CTNNBL1: variants seen among roughly 807,000 people sequenced by gnomAD.
CTNNBL1 encodes catenin beta like 1.
Under a neutral mutation model 72.7 loss-of-function variants are expected in CTNNBL1, and 31 were observed. The observed-to-expected ratio is 0.43, with a 90% CI of 0.32 to 0.58. The LOEUF (loss-of-function observed/expected upper bound fraction) is 0.58. Ranked by LOEUF, CTNNBL1 falls within the 20% of genes least tolerant of loss-of-function variation. CTNNBL1 has a pLI of 0.08. For synonymous variants in CTNNBL1, 240 were observed against 267.3 expected (o/e 0.90, Z 1.00); for missense variants, 534 against 725.1 (o/e 0.74, Z 3.03).
Position 37,859,917 on chromosome 20 carries a change from G to A in CTNNBL1, c.1411G>A (p.Glu471Lys). 3 of 1,614,160 alleles carry A rather than the reference G, an allele frequency of 1.9e-6. No individual in the cohort carries two copies. The highest frequency in any genetic ancestry group is 2.5e-6 in the Non-Finnish European group (3 of 1,180,040). ...GEKHDMVRRGEIIDNDTEEEF... is the reference protein window; with the variant it reads ...GEKHDMVRRGKIIDNDTEEEF... The stretch of plus-strand genomic sequence containing the variant: ...TTTCTAGGACATGGTCCGGCGAGGA[G>A]AGATCATCGACAATGACACCGAGGA... The change falls in exon 14 of 16, where the codon GAG becomes AAG. Residue 471 changes from glutamate (E) to lysine (K), a missense_variant. Physicochemically the swap from Glu to Lys is moderately conservative, Grantham distance 56. Transcript: ENST00000361383.
intron 11 of CTNNBL1, among the ~76,000 whole-genome samples, chr20:37,820,982 C>G (rs913418287): frequency 5.9e-5 from 9 of 152,192 alleles, no homozygotes; most frequent in African/African-American, 1.9e-4. Context: ...AGACCTGCCC[C>G]TTTGGCCTTC....
intron 11 of CTNNBL1, among the ~76,000 whole-genome samples, chr20:37,827,826 GC>G (rs913527943): frequency 6.6e-6 from 1 of 152,138 alleles, no homozygotes; most frequent in African/African-American, 2.4e-5. Flanking sequence ...ATCATGCAGG[GC>G]CTGTGGGAGA....
intron 1 of CTNNBL1, among the ~76,000 whole-genome samples, chr20:37,718,846 G>A (rs971774498): frequency 5.9e-5 from 9 of 152,244 alleles, no homozygotes; most frequent in African/African-American, 2.2e-4. Context: ...CTGATGCAAA[G>A]TATGCCTTGA....
At chr20:37,854,858 G>A (rs6021387) in intron 13 of CTNNBL1, among the ~76,000 whole-genome samples, 1 of 151,932 alleles carries the variant, frequency 6.6e-6, no homozygotes, top group Non-Finnish European at 1.5e-5. Context: ...CAAAGTGCTA[G>A]GATTACACGT....
At chr20:37,809,672 C>G (rs1177447432) in intron 11 of CTNNBL1, among the ~76,000 whole-genome samples, 1 of 152,166 alleles carries the variant, frequency 6.6e-6, no homozygotes, top group Non-Finnish European at 1.5e-5. Context: ...GTCAAGAGTT[C>G]TTGATCAGAA....
intron 10 of CTNNBL1, 59 bp downstream of exon 10, chr20:37,779,394 T>G (rs1051933284): frequency 8.9e-6 from 14 of 1,570,568 alleles, no homozygotes; most frequent in Non-Finnish European, 1.2e-5. Flanking sequence ...ACTGTTAGCC[T>G]GAATTCAAGA....
intron 1 of CTNNBL1, among the ~76,000 whole-genome samples, chr20:37,710,604 G>A (rs1304292449): frequency 1.3e-5 from 2 of 152,082 alleles, no homozygotes; most frequent in East Asian, 3.8e-4. Context: ...GAACATCTGA[G>A]CAATTACTGT....
At chr20:37,694,618 T>A (rs1438963756) in intron 1 of CTNNBL1, among the ~76,000 whole-genome samples, 3 of 152,206 alleles carry the variant, frequency 2.0e-5, no homozygotes, top group Non-Finnish European at 4.4e-5. Flanking sequence ...GTGGAGACAC[T>A]AATAACTGCC....
rs116863074 is a variant in CTNNBL1, at chr20:37,806,753, T to C, written c.1213+3705T>C. Among the ~76,000 whole-genome samples the C allele has an allele frequency of 2.9e-3, 443 of 152,310 alleles. 10 individuals carry two copies. The East Asian group carries it at 0.041, about 14-fold the overall frequency. On this transcript the variant is annotated intron_variant, in intron 11 of 15. Coordinates refer to ENST00000361383, the MANE Select transcript of CTNNBL1 (RefSeq NM_030877.5). ...TGAGCTTGTTGAAACTGTCTGGAAG[T>C]CTGCAGTTGCTTATCAGAAAATAAT...
chr20:37,833,373 GTAGT>G (rs2072227687), intron 11 of CTNNBL1, among the ~76,000 whole-genome samples: 1 of 152,222 alleles, frequency 6.6e-6, no homozygotes, highest in South Asian at 2.1e-4. Flanking sequence ...GGCGGTTTCA[GTAGT>G]TAGTGTCTGT....
At chr20:37,861,311 G>T (rs116569588) in intron 15 of CTNNBL1, among the ~76,000 whole-genome samples, 1 of 152,176 alleles carries the variant, frequency 6.6e-6, no homozygotes, top group African/African-American at 2.4e-5. Flanking sequence ...GCCTCCAGTC[G>T]GTGAGCAAGC....
intron 11 of CTNNBL1, among the ~76,000 whole-genome samples, chr20:37,820,066 AG>A (rs539124487): frequency 1.1e-3 from 166 of 151,738 alleles, no homozygotes; most frequent in Non-Finnish European, 1.5e-3. Flanking sequence ...TAGTAGAGTC[AG>A]GGTTTCAGCA....
chr20:37,745,651 G>C (rs182058824), intron 3 of CTNNBL1, among the ~76,000 whole-genome samples: 1 of 152,306 alleles, frequency 6.6e-6, no homozygotes, highest in African/African-American at 2.4e-5. Context: ...TCTGACTCCA[G>C]AGTCAGTTTA....
At chr20:37,758,463 C>T (rs948117557) in intron 5 of CTNNBL1, among the ~76,000 whole-genome samples, 5 of 152,242 alleles carry the variant, frequency 3.3e-5, no homozygotes, top group African/African-American at 1.2e-4. Flanking sequence ...CCCGCTGGGT[C>T]GCTCAGCCCG....
intron 6 of CTNNBL1, among the ~76,000 whole-genome samples, chr20:37,765,494 C>G (rs1047775950): frequency 6.6e-6 from 1 of 152,178 alleles, no homozygotes; most frequent in Admixed American, 6.5e-5. Context: ...GTAATGAAAG[C>G]AGAAATCCAC....
chr20:37,830,446 C>T (rs1176977825), intron 11 of CTNNBL1, among the ~76,000 whole-genome samples: 1 of 152,138 alleles, frequency 6.6e-6, no homozygotes, highest in African/African-American at 2.4e-5. Flanking sequence ...TTCCCCTGCC[C>T]TGCCATTTTA....
intron 3 of CTNNBL1, among the ~76,000 whole-genome samples, chr20:37,738,992 G>A (rs1024616374): frequency 2.6e-5 from 4 of 152,030 alleles, no homozygotes; most frequent in African/African-American, 7.2e-5. Flanking sequence ...TTTGATAGTA[G>A]GAGTAGCTAT....
chr20:37,727,333 C>A (rs919207601), intron 1 of CTNNBL1: 4 of 984,810 alleles, frequency 4.1e-6, no homozygotes, highest in East Asian at 2.3e-4. Flanking sequence ...CACACACAGG[C>A]AATAGGCCTC....
chr20:37,740,766 T>C (rs938978689), intron 3 of CTNNBL1, among the ~76,000 whole-genome samples: 3 of 152,206 alleles, frequency 2.0e-5, no homozygotes, highest in African/African-American at 7.2e-5. Context: ...GAAAACTCCA[T>C]TGTACACTCC....
Sources: allele counts gnomAD v4.1 joint callset (sites outside exome capture counted in the v4.1 genomes callset), GRCh38; gene constraint gnomAD v4.1.1; transcripts MANE v1.5; gene names NCBI Gene and HGNC (gene_info 2026-07-23, HGNC 2026-07-21).